Variants in EHF observed in about 807,000 individuals in gnomAD.
The protein encoded by EHF is ETS homologous factor.
A neutral mutation model predicts 45.1 loss-of-function variants in EHF; 14 were observed. That is an observed-to-expected ratio of 0.31 (90% CI 0.21 to 0.49). EHF has a LOEUF of 0.49. Among genes scored for constraint, EHF ranks in the 20% least tolerant of loss-of-function variants. EHF has a pLI of 0.99. For missense variants in EHF, 282 were observed against 371.4 expected, an observed-to-expected ratio of 0.76 and a Z score of 1.98; for synonymous variants, 136 against 131.8, an observed-to-expected ratio of 1.03 and a Z score of -0.22.
intron 6 of EHF, among the ~76,000 whole-genome samples, chr11:34,655,035 T>C (rs527677718): frequency 5.8e-4 from 88 of 152,262 alleles, no homozygotes; most frequent in African/African-American, 2.1e-3. Context: ...GCCAGACCTG[T>C]CGCAATATTG....
rs557271550 is a variant in EHF, at chr11:34,637,535, G to T, written c.-3-5093G>T. Reference sequence around the variant, plus strand: ...CTTTCTTGCTGCAAAAAGAATTTCAGATTGGCCAAGCCCCAGTGGCCCATA... The same window carrying T: ...CTTTCTTGCTGCAAAAAGAATTTCATATTGGCCAAGCCCCAGTGGCCCATA... On this transcript the variant is annotated intron_variant, in intron 1 of 8. Coordinates refer to ENST00000257831, the MANE Select transcript of EHF (RefSeq NM_012153.6). 3.3e-5 allele frequency among the ~76,000 whole-genome samples: 5 copies of T among 152,324 alleles called. No individual in the cohort carries two copies. In the South Asian group the frequency reaches 1.0e-3, roughly 32 times the overall value.
intron 2 of EHF, among the ~76,000 whole-genome samples, chr11:34,643,697 C>A (rs1179514757): frequency 6.6e-6 from 1 of 152,218 alleles, no homozygotes; most frequent in Non-Finnish European, 1.5e-5. Flanking sequence ...TACTCGGTCA[C>A]CTGTCCCCCC....
chr11:34,628,016 G>T (rs570441678), intron 1 of EHF, among the ~76,000 whole-genome samples: 13 of 152,232 alleles, frequency 8.5e-5, no homozygotes, highest in African/African-American at 3.1e-4. Flanking sequence ...AAAAGTAATT[G>T]TGGTTCTTGC....
At chr11:34,641,348 T>A (rs974286928) in intron 1 of EHF, among the ~76,000 whole-genome samples, 2 of 152,170 alleles carry the variant, frequency 1.3e-5, no homozygotes, top group Non-Finnish European at 2.9e-5. Flanking sequence ...GGCTGATAAA[T>A]ATTTGTTGAA....
chr11:34,661,116 A>G lies in EHF; in HGVS notation c.*2185A>G, dbSNP rs146188150. 11 of 152,312 alleles carry G rather than the reference A, an allele frequency of 7.2e-5. No homozygotes were observed. Among genetic ancestry groups the G allele is most frequent in the African/African-American group, 2.4e-4 (10 of 41,594 alleles). The allele number at this position is 152,312 out of a possible 1,614,324, so 9.4% of individuals were successfully genotyped here. ...ACTCAGACATTCCTGCAGAAAAGAC[A>G]TATGTTGCTTTACAAGAAGGCCAAA... On this transcript the variant is annotated 3_prime_UTR_variant, in exon 9 of 9. Transcript: ENST00000257831.
chr11:34,625,862 C>CT lies in EHF; in HGVS notation c.-4+4643dup, dbSNP rs917975309. On this transcript the variant is annotated intron_variant, in intron 1 of 8. Transcript: ENST00000257831. ...TGGCCTCTGGGAGGCTTCCTCCCTT[C>CT]TTTTTTTTTGTTTGTTTTGTTTTTT... Among the ~76,000 whole-genome samples, 643 of 151,486 alleles carry CT rather than the reference C, an allele frequency of 4.2e-3. 5 individuals are homozygous for CT. The highest frequency in any genetic ancestry group is 0.014 in the African/African-American group (593 of 41,288).
At chr11:34,647,849 C>T (rs1216189308) in intron 3 of EHF, among the ~76,000 whole-genome samples, 2 of 152,216 alleles carry the variant, frequency 1.3e-5, no homozygotes, top group Non-Finnish European at 2.9e-5. Flanking sequence ...TAGAATCAAA[C>T]CAAACAAGGC....
intron 1 of EHF, chr11:34,632,528 A>G: frequency 1.3e-6 from 2 of 1,535,302 alleles, no homozygotes; most frequent in Admixed American, 2.0e-5. Flanking sequence ...TGTGAAACTC[A>G]GAAGCATTAT....
At chr11:34,645,375 G>A (rs1176872393) in intron 2 of EHF, among the ~76,000 whole-genome samples, 1 of 152,048 alleles carries the variant, frequency 6.6e-6, no homozygotes, top group East Asian at 1.9e-4. Flanking sequence ...CAACTCCTCA[G>A]ATGCCTACCT....
chr11:34,644,374 T>C (rs1173895880), intron 2 of EHF, among the ~76,000 whole-genome samples: 4 of 152,240 alleles, frequency 2.6e-5, no homozygotes, highest in African/African-American at 9.6e-5. Context: ...AATGGAAAGA[T>C]CCAGCCCAAG....
At chr11:34,628,292 A>G (rs926959787) in intron 1 of EHF, among the ~76,000 whole-genome samples, 14 of 152,188 alleles carry the variant, frequency 9.2e-5, no homozygotes, top group Non-Finnish European at 2.9e-5. Context: ...CCAACATAAT[A>G]TGATATCACA....
rs1236618009 is a variant in EHF at position 34,650,790 on chromosome 11, GAGTC to G, written c.407-746_407-743del. On this transcript the variant is annotated intron_variant, in intron 4 of 8. Coordinates refer to ENST00000257831, the MANE Select transcript of EHF (RefSeq NM_012153.6). ...GTTCCCTTTGAATCTGAAATCTGAAGAGTCAGTCAAAGTGAGAGGTGTTTACCGC... is the reference window on the plus strand; with the variant it reads ...GTTCCCTTTGAATCTGAAATCTGAAGAGTCAAAGTGAGAGGTGTTTACCGC... Among the ~76,000 whole-genome samples, 7 of 152,304 alleles carry G rather than the reference GAGTC, an allele frequency of 4.6e-5. No individual in the cohort carries two copies. In the South Asian group the frequency reaches 1.5e-3, roughly 32 times the overall value.
rs1042818373 is a variant in EHF at position 34,660,168 on chromosome 11, T to A, written c.*1237T>A. 1 of 152,156 alleles carries A rather than the reference T, an allele frequency of 6.6e-6. No individual in the cohort carries two copies. The highest frequency in any genetic ancestry group is 1.5e-5 in the Non-Finnish European group (1 of 68,014). 9.4% of individuals were successfully genotyped at this position (152,156 alleles called of 1,614,324 possible). ...AGTTGAAATAGCTAGAGGAGCTTCT[T>A]TTCAGAACCCCAGATGAGAGCCAAT... On this transcript the variant is annotated 3_prime_UTR_variant, in exon 9 of 9. Coordinates refer to ENST00000257831, the MANE Select transcript of EHF (RefSeq NM_012153.6).
intron 1 of EHF, among the ~76,000 whole-genome samples, chr11:34,641,694 G>GA (rs1339901434): frequency 6.6e-6 from 1 of 152,186 alleles, no homozygotes; most frequent in Non-Finnish European, 1.5e-5. Context: ...TTAAATGACT[G>GA]AACACACGGT....
At chr11:34,644,147 A>G (rs1230274300) in intron 2 of EHF, among the ~76,000 whole-genome samples, 2 of 152,236 alleles carry the variant, frequency 1.3e-5, no homozygotes, top group African/African-American at 4.8e-5. Context: ...AGCAGGGACT[A>G]TCTTTTAATC....
chr11:34,647,163 A>G (rs1854648755), intron 3 of EHF, among the ~76,000 whole-genome samples: 1 of 151,354 alleles, frequency 6.6e-6, no homozygotes, highest in Non-Finnish European at 1.5e-5. Flanking sequence ...AAGAAGATAT[A>G]TGAAATTAGA....
intron 1 of EHF, among the ~76,000 whole-genome samples, chr11:34,631,138 T>C (rs1049275054): frequency 1.3e-5 from 2 of 152,186 alleles, no homozygotes; most frequent in African/African-American, 4.8e-5. Flanking sequence ...TTCAAGTGAT[T>C]CTCCTGCCTC....
chr11:34,647,879 G>T (rs1012715736), intron 3 of EHF, among the ~76,000 whole-genome samples: 4 of 152,144 alleles, frequency 2.6e-5, no homozygotes, highest in Non-Finnish European at 4.4e-5. Flanking sequence ...AACCCTCAGG[G>T]ATCTTCAAAA....
At position 34,651,763 on chromosome 11, in the gene EHF, C is replaced by T. The variant is rs764513471; in HGVS notation, c.502C>T (p.Arg168Trp). ...VDLLDSKTFC[R>W]AQISMTTTSH... ...TTTGTTGGACAGCAAAACTTTCTGCCGGGCTCAGATCTCCATGACAACCAC... is the reference window on the plus strand; with the variant it reads ...TTTGTTGGACAGCAAAACTTTCTGCTGGGCTCAGATCTCCATGACAACCAC... Residue 168 changes from arginine to tryptophan, a missense_variant, in exon 6 of 9, where the codon CGG (arginine) becomes TGG (tryptophan). Physicochemically the swap from Arg to Trp is moderately radical, Grantham distance 101. Coordinates refer to ENST00000257831, the MANE Select transcript of EHF (RefSeq NM_012153.6). The T allele has an allele frequency of 1.1e-5, 18 of 1,613,776 alleles. No homozygotes were observed. Among genetic ancestry groups the T allele is most frequent in the Admixed American group, 3.3e-5 (2 of 59,988 alleles).
Sources: gnomAD v4.1 joint callset for allele counts (sites outside exome capture counted in the v4.1 genomes callset) on GRCh38, gnomAD v4.1.1 for gene constraint, MANE v1.5 for transcripts, NCBI Gene and HGNC (gene_info 2026-07-23, HGNC 2026-07-21) for gene names.